Variants in DPY19L1 observed in about 807,000 individuals in gnomAD.
DPY19L1 encodes protein C-mannosyl-transferase DPY19L1.
In DPY19L1, 35 loss-of-function variants were observed where a neutral mutation model predicts 96.9. The ratio of observed to expected loss-of-function variants is 0.36; its 90% CI spans 0.28 to 0.48. The LOEUF is 0.48. Ranked by LOEUF, DPY19L1 falls within the 20% of genes least tolerant of loss-of-function variation. DPY19L1 has a pLI of 0.99. For missense variants in DPY19L1, 521 were observed against 777.9 expected, an observed-to-expected ratio of 0.67 and a Z score of 3.93; for synonymous variants, 205 against 252.6, an observed-to-expected ratio of 0.81 and a Z score of 1.79.
chr7:35,031,744 TA>T (rs1346303856), intron 1 of DPY19L1, among the ~76,000 whole-genome samples: 1 of 152,232 alleles, frequency 6.6e-6, no homozygotes, highest in Admixed American at 6.5e-5. Flanking sequence ...ATTTGGATGC[TA>T]ATGAGCATCA....
At position 35,013,610 on chromosome 7, in the gene DPY19L1, G is replaced by T. The variant is rs184995902; in HGVS notation, c.507C>A (p.Pro169=). ...MIMNDKLTEY[P]LVINTLKRFN... Reference sequence around the variant, plus strand: ...ATCTTTTTAATGTATTAATGACAAGGGGGTATTCAGTCAGTTTATCATTCA... The same window carrying T: ...ATCTTTTTAATGTATTAATGACAAGTGGGTATTCAGTCAGTTTATCATTCA... Residue 169 remains proline (P), a synonymous_variant, in exon 4 of 22, where the codon CCC becomes CCA. Transcript: ENST00000638088. The T allele has an allele frequency of 6.2e-7, 1 of 1,609,728 alleles. No individual in the cohort carries two copies. Among genetic ancestry groups the T allele is most frequent in the Non-Finnish European group, 8.5e-7 (1 of 1,177,246 alleles).
chr7:34,982,549 A>T (rs7793001), intron 7 of DPY19L1, among the ~76,000 whole-genome samples: 1 of 152,100 alleles, frequency 6.6e-6, no homozygotes, highest in Admixed American at 6.6e-5. Context: ...CTGCCTTTTT[A>T]GTACAAGATT....
intron 6 of DPY19L1, among the ~76,000 whole-genome samples, chr7:34,992,450 G>A (rs328916): frequency 0.039 from 5,939 of 151,844 alleles, 207 homozygotes; most frequent in African/African-American, 0.09. Flanking sequence ...TACAACTTCC[G>A]TTCTCAGATT....
At chr7:34,973,663 TAAAAATTGCTATTTATAAATA>T in intron 7 of DPY19L1, 58 bp from the exon 8 acceptor site, 1 of 883,216 alleles carries the variant, frequency 1.1e-6, no homozygotes, top group African/African-American at 1.8e-5. Flanking sequence ...ACATTCCAAG[TAAAAATTGCTATTTATAAATA>T]AAATTATTTT....
chr7:34,986,159 G>T (rs1785042721), intron 7 of DPY19L1, among the ~76,000 whole-genome samples: 1 of 152,004 alleles, frequency 6.6e-6, no homozygotes, highest in African/African-American at 2.4e-5. Flanking sequence ...TCAGGGGAGA[G>T]ATGGGTAATG....
At chr7:34,972,653 A>G (rs1056128564) in intron 8 of DPY19L1, among the ~76,000 whole-genome samples, 7 of 152,202 alleles carry the variant, frequency 4.6e-5, no homozygotes, top group Non-Finnish European at 1.0e-4. Flanking sequence ...ATTGCTCAAG[A>G]TGCCTCAGAA....
chr7:34,999,911 T>G (rs1167835805), intron 6 of DPY19L1, among the ~76,000 whole-genome samples: 2 of 152,332 alleles, frequency 1.3e-5, no homozygotes, highest in East Asian at 3.9e-4. Flanking sequence ...TGGTTTTACG[T>G]ATCAGAATTG....
Position 34,986,279 on chromosome 7 carries a change from T to C in DPY19L1, c.822+3605A>G, listed in dbSNP as rs930943652. ...AGTTAATGTATTGCATATTTCGAAATTGCTAAGAGATTTTTAGCATTCTCA... is the reference window on the plus strand; with the variant it reads ...AGTTAATGTATTGCATATTTCGAAACTGCTAAGAGATTTTTAGCATTCTCA... On this transcript the variant is annotated intron_variant, in intron 7 of 21. Coordinates refer to ENST00000638088, the MANE Select transcript of DPY19L1 (RefSeq NM_001366673.1). Among the ~76,000 whole-genome samples the C allele has an allele frequency of 3.9e-5, 6 of 152,076 alleles. No individual in the cohort carries two copies. In the South Asian group the frequency reaches 6.2e-4, roughly 16 times the overall value.
In DPY19L1 at chr7:34,984,107, CA is replaced by C. The variant is rs1345908802; in HGVS notation, c.822+5776del. ...ATTCTTATTAAGCAAACATATACTT[CA>C]AAAAATGAAGGCAAGATAACATTTT... On this transcript the variant is annotated intron_variant, in intron 7 of 21. Coordinates refer to ENST00000638088, the MANE Select transcript of DPY19L1 (RefSeq NM_001366673.1). 3.9e-5 allele frequency among the ~76,000 whole-genome samples: 6 copies of C among 152,214 alleles called. No individual in the cohort carries two copies. In the South Asian group the frequency reaches 8.3e-4, roughly 21 times the overall value.
chr7:34,963,624 T>TGCGTGTGTGCAC (rs1381084827), intron 10 of DPY19L1, among the ~76,000 whole-genome samples: 3 of 152,010 alleles, frequency 2.0e-5, no homozygotes, highest in Non-Finnish European at 4.4e-5. Context: ...TGTGTGTGTG[T>TGCGTGTGTGCAC]GCGTGTGTGC....
intron 7 of DPY19L1, among the ~76,000 whole-genome samples, chr7:34,983,640 T>C (rs1784987169): frequency 6.8e-6 from 1 of 146,308 alleles, no homozygotes; most frequent in African/African-American, 2.5e-5. Flanking sequence ...CTCCTATACA[T>C]GGCAAGAGAA....
chr7:34,994,074 T>C (rs1454630930), intron 6 of DPY19L1, among the ~76,000 whole-genome samples: 3 of 152,124 alleles, frequency 2.0e-5, no homozygotes, highest in South Asian at 2.1e-4. Context: ...AAAATAAAAA[T>C]TTTTTTGGAC....
intron 1 of DPY19L1, among the ~76,000 whole-genome samples, chr7:35,031,223 GA>G (rs1178365788): frequency 1.3e-5 from 2 of 151,788 alleles, no homozygotes; most frequent in African/African-American, 4.8e-5. Flanking sequence ...ATAGTAGGCG[GA>G]AAAAAAATCC....
At chr7:35,012,905 ATG>A (rs1785748130) in intron 4 of DPY19L1, among the ~76,000 whole-genome samples, 14 of 92,270 alleles carry the variant, frequency 1.5e-4, no homozygotes, top group Admixed American at 1.2e-3. Flanking sequence ...AAAATGCATT[ATG>A]TATATATGTA....
intron 9 of DPY19L1, among the ~76,000 whole-genome samples, 185 bp from the exon 10 acceptor site, chr7:34,967,156 T>C (rs1784628626): frequency 6.6e-6 from 1 of 152,178 alleles, no homozygotes; most frequent in Non-Finnish European, 1.5e-5. Context: ...TATTGGTTGA[T>C]TTTTCTCTCT....
chr7:34,996,981 C>T (rs930189698), intron 6 of DPY19L1, among the ~76,000 whole-genome samples: 1 of 152,066 alleles, frequency 6.6e-6, no homozygotes, highest in South Asian at 2.1e-4. Context: ...AGTGGAAGGA[C>T]GCCAGAGATA....
chr7:34,994,322 T>A (rs185455784), intron 6 of DPY19L1, among the ~76,000 whole-genome samples: 1 of 152,252 alleles, frequency 6.6e-6, no homozygotes, highest in East Asian at 1.9e-4. Context: ...AGGCACCTCA[T>A]TCTCTGATTA....
rs759154456 is a variant in DPY19L1, at chr7:34,941,897, A to C, written c.1570-13T>G. 53 of 1,565,384 alleles carry C rather than the reference A, an allele frequency of 3.4e-5. No individual in the cohort carries two copies. Among genetic ancestry groups the C allele is most frequent in the Non-Finnish European group, 4.5e-5 (52 of 1,161,842 alleles). ...CATGGTAAACCAGCTGAAAGAAAGA[A>C]GAAAATGTTTTTTACTCCTACTGTT... On this transcript the variant is annotated splice_polypyrimidine_tract_variant and intron_variant, in intron 17 of 21. Coordinates refer to ENST00000638088, the MANE Select transcript of DPY19L1 (RefSeq NM_001366673.1).
In DPY19L1 at chr7:34,929,739, G is replaced by C. The variant is rs532881000; in HGVS notation, c.*1834C>G. On this transcript the variant is annotated 3_prime_UTR_variant, in exon 22 of 22. Coordinates refer to ENST00000638088, the MANE Select transcript of DPY19L1 (RefSeq NM_001366673.1). ...ACCGCCCATTTTCCTGGACTGTTGT[G>C]CATCATCGCTCAAATGTTGCTTTTA... is the stretch of plus-strand genomic sequence containing the variant. 4 of 152,254 alleles carry C rather than the reference G, an allele frequency of 2.6e-5. No homozygotes were observed. Among genetic ancestry groups the C allele is most frequent in the African/African-American group, 7.2e-5 (3 of 41,524 alleles). The allele number at this position is 152,254 out of a possible 1,614,324, so 9.4% of individuals were successfully genotyped here.
Sources: gnomAD v4.1 joint callset for allele counts (sites outside exome capture counted in the v4.1 genomes callset) on GRCh38, gnomAD v4.1.1 for gene constraint, MANE v1.5 for transcripts, NCBI Gene and HGNC (gene_info 2026-07-23, HGNC 2026-07-21) for gene names.